Variants in EWSR1 observed in about 807,000 individuals in gnomAD.
The protein encoded by EWSR1 is EWS RNA binding protein 1.
In EWSR1, 14 loss-of-function variants were observed where a neutral mutation model predicts 92.1. The ratio of observed to expected loss-of-function variants is 0.15; its 90% CI spans 0.10 to 0.24. The LOEUF (loss-of-function observed/expected upper bound fraction) is 0.24, where lower values mean the gene tolerates loss of function less well. Ranked by LOEUF, EWSR1 falls within the 10% of genes least tolerant of loss-of-function variation. EWSR1 has a pLI of 1.00. For missense variants in EWSR1, 637 were observed against 870.9 expected (o/e 0.73, Z 3.38); for synonymous variants, 303 against 292.9 (o/e 1.03, Z -0.35).
In EWSR1 at chr22:29,299,607, C is replaced by T. The variant is rs199957418; in HGVS notation, c.1687C>T (p.Arg563Cys). 73 of 1,598,268 alleles carry T rather than the reference C, an allele frequency of 4.6e-5. No homozygotes were observed. The East Asian group carries it at 1.3e-3, about 29-fold the overall frequency. Residue 563 changes from arginine to cysteine, a missense_variant, in exon 16 of 17, where the codon CGT becomes TGT. Coordinates refer to ENST00000397938, the MANE Select transcript of EWSR1 (RefSeq NM_005243.4). ...PPPFPPPGGD[R>C]GRGGPGGMRG... ...TGCTATTCTCACCTTAGGTGGTGAT[C>T]GTGGCAGAGGTGGCCCTGGTGGCAT...
intron 14 of EWSR1, 34 bp downstream of exon 14, chr22:29,298,929 G>A (rs776600955): frequency 5.3e-6 from 8 of 1,518,148 alleles, no homozygotes; most frequent in South Asian, 2.7e-5. Flanking sequence ...GATACCCTAC[G>A]AGTGAAGCCA....
intron 4 of EWSR1, chr22:29,275,919 G>A (rs990398764): frequency 1.0e-5 from 2 of 195,498 alleles, no homozygotes; most frequent in Non-Finnish European, 2.0e-5. Flanking sequence ...CTGGTCTTTT[G>A]TTTTTTTGTT....
chr22:29,271,460 G>A (rs915184693), intron 1 of EWSR1, among the ~76,000 whole-genome samples: 2 of 152,160 alleles, frequency 1.3e-5, no homozygotes, highest in Non-Finnish European at 2.9e-5. Context: ...GAAAATTCAT[G>A]TCTTTTTTTT....
chr22:29,272,284 T>G, intron 2 of EWSR1, 32 bp downstream of exon 2: 1 of 1,613,746 alleles, frequency 6.2e-7, no homozygotes. Flanking sequence ...GTATTTTGTG[T>G]GTGATTAATA....
chr22:29,270,649 C>T (rs1464485232), intron 1 of EWSR1, among the ~76,000 whole-genome samples: 1 of 152,184 alleles, frequency 6.6e-6, no homozygotes. Context: ...TACATAACTG[C>T]TCTTGCGTAA....
rs1309659035 is a variant in EWSR1, at chr22:29,272,241, A to T, written c.39A>T (p.Ala13=). The change falls in exon 2 of 17, where the codon GCA becomes GCT. Residue 13 remains alanine, a synonymous_variant. Coordinates refer to ENST00000397938, the MANE Select transcript of EWSR1 (RefSeq NM_005243.4). Reference sequence around the variant, plus strand: ...ATTACAGTACCTATAGCCAAGCTGCAGCGCAGCAGGGGTAAGTCAGTCTTT... The same window carrying T: ...ATTACAGTACCTATAGCCAAGCTGCTGCGCAGCAGGGGTAAGTCAGTCTTT... ...STDYSTYSQA[A]AQQGYSAYTA... 6.8e-6 allele frequency: 11 copies of T among 1,614,114 alleles called. No individual in the cohort carries two copies. Among genetic ancestry groups the T allele is most frequent in the Non-Finnish European group, 9.3e-6 (11 of 1,179,948 alleles).
At chr22:29,294,457 T>C (rs968767710) in intron 11 of EWSR1, among the ~76,000 whole-genome samples, 7 of 149,710 alleles carry the variant, frequency 4.7e-5, no homozygotes, top group Admixed American at 6.7e-5. Flanking sequence ...ATACAAAAAA[T>C]TAGCCAGGCT....
intron 5 of EWSR1, among the ~76,000 whole-genome samples, chr22:29,281,308 C>T (rs1316997158): frequency 6.7e-6 from 1 of 150,054 alleles, no homozygotes; most frequent in African/African-American, 2.5e-5. Context: ...AGCCACCGCA[C>T]CTGGCAGTTT....
intron 6 of EWSR1, 54 bp downstream of exon 6, chr22:29,282,611 G>C: frequency 6.9e-7 from 1 of 1,447,530 alleles, no homozygotes; most frequent in Non-Finnish European, 9.1e-7. Flanking sequence ...GTTTTTTTCA[G>C]GTTGTTGACC....
chr22:29,295,305 T>G (rs1263128560), intron 11 of EWSR1, among the ~76,000 whole-genome samples: 1 of 152,088 alleles, frequency 6.6e-6, no homozygotes, highest in Non-Finnish European at 1.5e-5. Context: ...CCATCAAAAT[T>G]TTGGAAATAA....
chr22:29,291,293 G>C (rs145835127), intron 8 of EWSR1: 6 of 392,564 alleles, frequency 1.5e-5, no homozygotes, highest in Non-Finnish European at 2.3e-5. Flanking sequence ...ATTTTTTCTT[G>C]CTAATTTGCC....
At position 29,299,605 on chromosome 22, in the gene EWSR1, A is replaced by G; in HGVS notation, c.1685A>G (p.Asp562Gly). 1 of 1,597,754 alleles carries G rather than the reference A, an allele frequency of 6.3e-7. No homozygotes were observed. The highest frequency in any genetic ancestry group is 2.2e-5 in the East Asian group (1 of 44,612). The change falls in exon 16 of 17, where the codon GAT becomes GGT. Residue 562 changes from aspartate (D) to glycine (G), a missense_variant. Coordinates refer to ENST00000397938, the MANE Select transcript of EWSR1 (RefSeq NM_005243.4). ...CCTGCTATTCTCACCTTAGGTGGTG[A>G]TCGTGGCAGAGGTGGCCCTGGTGGC... The part of the protein sequence containing the change: ...LPPPFPPPGG[D>G]RGRGGPGGMR...
Position 29,298,741 on chromosome 22 carries a change from G to A in EWSR1, c.1426G>A (p.Gly476Ser). 1 of 1,613,262 alleles carries A rather than the reference G, an allele frequency of 6.2e-7. No individual in the cohort carries two copies. Among genetic ancestry groups the A allele is most frequent in the Non-Finnish European group, 8.5e-7 (1 of 1,179,832 alleles). ...MPPPLRGGPG[G>S]PGGPGGPMGR... ...TGTTGTTCTTGTTGTAGGTCCAGGAGGCCCAGGAGGTCCTGGGGGACCCAT... is the reference window on the plus strand; with the variant it reads ...TGTTGTTCTTGTTGTAGGTCCAGGAAGCCCAGGAGGTCCTGGGGGACCCAT... Residue 476 changes from glycine to serine, a missense_variant, in exon 14 of 17, where the codon GGC (glycine) becomes AGC (serine). Physicochemically the swap from Gly to Ser is moderately conservative, Grantham distance 56 (BLOSUM62 0). This residue lies in a region of EWSR1 where 363 missense variants were observed against 447.8 expected (regional missense o/e 0.81). Transcript: ENST00000397938.
intron 5 of EWSR1, among the ~76,000 whole-genome samples, chr22:29,281,981 A>G (rs2059643651): frequency 6.6e-6 from 1 of 152,210 alleles, no homozygotes; most frequent in Admixed American, 6.5e-5. Flanking sequence ...CTTCAACCTA[A>G]AACTTAACAT....
rs779579241 is a variant in EWSR1, at chr22:29,296,341, G to A, written c.1267G>A (p.Ala423Thr). ...ATVSYEDPPT[A>T]KAAVEWFDGK... ...AGTGTCCTATGAAGACCCACCCACT[G>A]CCAAGGCTGCCGTGGAATGGTTTGA... The change falls in exon 12 of 17, where the codon GCC becomes ACC. Residue 423 changes from alanine to threonine, a missense_variant. Transcript: ENST00000397938. The A allele has an allele frequency of 3.7e-6, 6 of 1,614,108 alleles. No individual in the cohort carries two copies. Among genetic ancestry groups the A allele is most frequent in the Non-Finnish European group, 5.1e-6 (6 of 1,179,988 alleles).
chr22:29,294,791 G>A (rs1209093701), intron 11 of EWSR1, among the ~76,000 whole-genome samples: 1 of 151,402 alleles, frequency 6.6e-6, no homozygotes, highest in East Asian at 2.0e-4. Flanking sequence ...ACACGCGCCT[G>A]TAGTTGAGCT....
intron 8 of EWSR1, chr22:29,291,263 G>A (rs188154341): frequency 2.8e-4 from 99 of 353,792 alleles, no homozygotes; most frequent in Non-Finnish European, 3.9e-4. Flanking sequence ...TTCACCTGAC[G>A]GGGTGGGTGT....
intron 1 of EWSR1, among the ~76,000 whole-genome samples, chr22:29,270,841 T>C (rs2058620300): frequency 6.6e-6 from 1 of 152,240 alleles, no homozygotes; most frequent in Non-Finnish European, 1.5e-5. Flanking sequence ...AGAGTATGAC[T>C]TGTAGTGCTA....
At chr22:29,271,886 C>T (rs1385229537) in intron 1 of EWSR1, among the ~76,000 whole-genome samples, 2 of 152,144 alleles carry the variant, frequency 1.3e-5, no homozygotes, top group Non-Finnish European at 2.9e-5. Flanking sequence ...ATCTTGTTGT[C>T]AGTCTGTGAT....
Sources: allele counts gnomAD v4.1 joint callset (sites outside exome capture counted in the v4.1 genomes callset), GRCh38; gene constraint gnomAD v4.1.1; regional missense constraint gnomAD v4.1.1; transcripts MANE v1.5; gene names NCBI Gene and HGNC (gene_info 2026-07-23, HGNC 2026-07-21).